Variants in ANXA8 observed in about 807,000 individuals in gnomAD.
ANXA8 encodes annexin A8.
In ANXA8, 9 loss-of-function variants were observed where a neutral mutation model predicts 26.8. The ratio of observed to expected loss-of-function variants is 0.34; its 90% CI spans 0.20 to 0.59. The LOEUF is 0.59. ANXA8 is among the 20% of genes least tolerant of loss of function. ANXA8 has a pLI of 0.84. For missense variants in ANXA8, 83 were observed against 238.5 expected (o/e 0.35, Z 4.29); for synonymous variants, 39 against 94.8 (o/e 0.41, Z 3.42).
chr10:47,551,313 T>C, the ANXA8 span, among the ~76,000 whole-genome samples: 1 of 151,196 alleles, frequency 6.6e-6, no homozygotes, highest in Admixed American at 6.6e-5. Context: ...ATTCCTACTC[T>C]GGTAAGGCTG....
the ANXA8 span, among the ~76,000 whole-genome samples, chr10:47,627,335 A>G: frequency 6.7e-6 from 1 of 150,142 alleles, no homozygotes; most frequent in Non-Finnish European, 1.5e-5. Flanking sequence ...CATAATGTGA[A>G]TTTCTTAAGT....
chr10:47,977,442 G>C, the ANXA8 span, among the ~76,000 whole-genome samples: 3 of 150,820 alleles, frequency 2.0e-5, no homozygotes, highest in South Asian at 6.4e-4. Context: ...CTATTCACAG[G>C]GAAAAAGCTG....
chr10:47,632,976 T>C, the ANXA8 span, among the ~76,000 whole-genome samples: 8 of 135,774 alleles, frequency 5.9e-5, no homozygotes, highest in Non-Finnish European at 1.1e-4. Context: ...CTTAGAATTA[T>C]AAACCTTGTG....
the ANXA8 span, among the ~76,000 whole-genome samples, chr10:47,735,714 C>A: frequency 6.6e-6 from 1 of 151,816 alleles, no homozygotes; most frequent in African/African-American, 2.4e-5. Flanking sequence ...TCATGGCTCA[C>A]TGCAGCCTCA....
At chr10:47,497,210 C>T in the ANXA8 span, among the ~76,000 whole-genome samples, 1 of 140,880 alleles carries the variant, frequency 7.1e-6, no homozygotes, top group Non-Finnish European at 1.5e-5. Context: ...ATCCCAGCTA[C>T]TCAGGAGGCT....
chr10:47,977,441 G>C, the ANXA8 span, among the ~76,000 whole-genome samples: 3 of 150,982 alleles, frequency 2.0e-5, no homozygotes, highest in East Asian at 5.8e-4. Flanking sequence ...CCTATTCACA[G>C]GGAAAAAGCT....
chr10:47,959,098 G>A, the ANXA8 span, among the ~76,000 whole-genome samples: 1 of 147,984 alleles, frequency 6.8e-6, no homozygotes, highest in Admixed American at 6.7e-5. Flanking sequence ...GGAGAAGGAG[G>A]CAGGAAAGGC....
At chr10:47,647,200 G>A in the ANXA8 span, among the ~76,000 whole-genome samples, 1 of 152,176 alleles carries the variant, frequency 6.6e-6, no homozygotes, top group African/African-American at 2.4e-5. Flanking sequence ...TATTATTTTT[G>A]AAAAACTCAA....
At chr10:47,699,358 A>AG in the ANXA8 span, among the ~76,000 whole-genome samples, 1 of 148,028 alleles carries the variant, frequency 6.8e-6, no homozygotes, top group Admixed American at 6.7e-5. Context: ...AAAAAAAAAA[A>AG]AAAAAAAAAG....
At chr10:47,777,519 C>T in the ANXA8 span, among the ~76,000 whole-genome samples, 19 of 152,156 alleles carry the variant, frequency 1.2e-4, no homozygotes, top group Non-Finnish European at 2.6e-4. Flanking sequence ...CTCCTTACAC[C>T]CAATATGCAA....
the ANXA8 span, among the ~76,000 whole-genome samples, chr10:47,945,573 C>T: frequency 6.8e-6 from 1 of 146,730 alleles, no homozygotes; most frequent in Non-Finnish European, 1.5e-5. Context: ...TCCCTCTGGT[C>T]CCATTTCCTT....
the ANXA8 span, among the ~76,000 whole-genome samples, chr10:47,768,159 C>A: frequency 1.3e-5 from 2 of 151,266 alleles, no homozygotes; most frequent in African/African-American, 4.9e-5. Context: ...TTTTGACCCC[C>A]CTTAGGGATG....
the ANXA8 span, among the ~76,000 whole-genome samples, chr10:47,901,829 A>C: frequency 1.3e-5 from 2 of 151,046 alleles, no homozygotes; most frequent in African/African-American, 2.4e-5. Context: ...ATAAAATTGA[A>C]GAAGCCAAGA....
chr10:47,535,573 A>T, the ANXA8 span, among the ~76,000 whole-genome samples: 56 of 146,916 alleles, frequency 3.8e-4, 4 homozygotes, highest in Admixed American at 1.5e-3. Flanking sequence ...AGCAAAAAAA[A>T]TTTTTTTTTT....
the ANXA8 span, among the ~76,000 whole-genome samples, chr10:47,595,388 C>G: frequency 1.4e-5 from 2 of 147,032 alleles, no homozygotes; most frequent in Admixed American, 1.3e-4. Context: ...AAAACTATGA[C>G]AGGAACACAA....
the ANXA8 span, among the ~76,000 whole-genome samples, chr10:47,669,036 T>C: frequency 2.6e-5 from 4 of 151,804 alleles, no homozygotes; most frequent in East Asian, 7.7e-4. Context: ...ATTCAGTACA[T>C]ATGTGTTTTC....
chr10:47,547,507 G>A, the ANXA8 span, among the ~76,000 whole-genome samples: 5 of 98,796 alleles, frequency 5.1e-5, no homozygotes, highest in East Asian at 6.0e-4. Flanking sequence ...GAGAAAATGC[G>A]CATTGTGTGT....
At chr10:47,660,575 A>AT in the ANXA8 span, among the ~76,000 whole-genome samples, 45 of 151,516 alleles carry the variant, frequency 3.0e-4, no homozygotes, top group African/African-American at 1.1e-3. Flanking sequence ...TAATTTTTGT[A>AT]TTTTTTGTAG....
the ANXA8 span, among the ~76,000 whole-genome samples, chr10:47,673,451 G>A: frequency 6.7e-6 from 1 of 150,156 alleles, no homozygotes; most frequent in Non-Finnish European, 1.5e-5. Context: ...GGGCAGAAGA[G>A]GTGAGTGAAA....
Sources: allele counts gnomAD v4.1 joint callset (sites outside exome capture counted in the v4.1 genomes callset), GRCh38; gene constraint gnomAD v4.1.1; transcripts MANE v1.5; gene names NCBI Gene and HGNC (gene_info 2026-07-23, HGNC 2026-07-21).